The following TREML4 variants were observed in gnomAD, a reference collection of about 807,000 sequenced individuals.
The protein encoded by TREML4 is triggering receptor expressed on myeloid cells like 4.
In TREML4, 25 loss-of-function variants were observed where a neutral mutation model predicts 25.4. The ratio of observed to expected loss-of-function variants is 0.98; its 90% CI spans 0.72 to 1.37. The LOEUF (loss-of-function observed/expected upper bound fraction) is 1.37, where lower values mean the gene tolerates loss of function less well. TREML4 is among the 40% of genes most tolerant of loss of function. The pLI is 0.00. For missense variants in TREML4, 268 were observed against 236.5 expected (o/e 1.13, Z -0.87); for synonymous variants, 92 against 87.9 (o/e 1.05, Z -0.26).
At chr6:41,230,772 AAGT>A (rs1235910854) in intron 4 of TREML4, among the ~76,000 whole-genome samples, 2 of 152,148 alleles carry the variant, frequency 1.3e-5, no homozygotes, top group Admixed American at 1.3e-4. Context: ...ACCAGAGAAA[AAGT>A]ATGGCAGCTA....
chr6:41,230,021 G>A (rs1766757105), intron 3 of TREML4, 41 bp from the exon 4 acceptor site: 1 of 1,534,082 alleles, frequency 6.5e-7, no homozygotes, highest in Non-Finnish European at 9.0e-7. Context: ...TCTCTATTCT[G>A]GTGCCCTGGG....
rs12195623 is a variant in TREML4, at chr6:41,237,441, C to A, written c.*422C>A. The A allele has an allele frequency of 0.099, 15,097 of 152,448 alleles. 769 individuals are homozygous for A. Among genetic ancestry groups the A allele is most frequent in the African/African-American group, 0.12 (4,979 of 41,520 alleles). The allele number at this position is 152,448 out of a possible 1,614,324, so 9.4% of individuals were successfully genotyped here. A position where few individuals can be genotyped will look rare whatever the true frequency, so the allele number is the denominator to read the frequency against. ...TGTCGTTCTCTGAGCCCCACCTCAGCAGGTCTCCAGGATCCCTCACATTTC... is the reference window on the plus strand; with the variant it reads ...TGTCGTTCTCTGAGCCCCACCTCAGAAGGTCTCCAGGATCCCTCACATTTC... On this transcript the variant is annotated 3_prime_UTR_variant, in exon 6 of 6. Transcript: ENST00000341495.
In TREML4 at chr6:41,229,057, C is replaced by G. The variant is rs1766736090; in HGVS notation, c.394+13C>G. The G allele has an allele frequency of 2.5e-6, 4 of 1,603,346 alleles. No individual in the cohort carries two copies. Among genetic ancestry groups the G allele is most frequent in the Non-Finnish European group, 3.4e-6 (4 of 1,173,362 alleles). On this transcript the variant is annotated intron_variant, in intron 2 of 5. Coordinates refer to ENST00000341495, the MANE Select transcript of TREML4 (RefSeq NM_198153.3). ...GTGGTGTCTCCAGGTGAGCTCTTTTCTTGAGGAAATACCTCTGTGCCACCC... is the reference window on the plus strand; with the variant it reads ...GTGGTGTCTCCAGGTGAGCTCTTTTGTTGAGGAAATACCTCTGTGCCACCC...
At chr6:41,229,320 C>A (rs1766741159) in intron 2 of TREML4, among the ~76,000 whole-genome samples, 1 of 152,112 alleles carries the variant, frequency 6.6e-6, no homozygotes, top group African/African-American at 2.4e-5. Context: ...TACACAGGCA[C>A]ACCCACAACT....
In TREML4 at chr6:41,238,075, A is replaced by G. The variant is rs1267044119; in HGVS notation, c.*1056A>G. 1 of 152,230 alleles carries G rather than the reference A, an allele frequency of 6.6e-6. No individual in the cohort carries two copies. Among genetic ancestry groups the G allele is most frequent in the Admixed American group, 6.5e-5 (1 of 15,282 alleles). The allele number at this position is 152,230 out of a possible 1,614,324, so 9.4% of individuals were successfully genotyped here. A position where few individuals can be genotyped will look rare whatever the true frequency, so the allele number is the denominator to read the frequency against. ...CATAGCAGCTGAATGCCAGCCCTGT[A>G]AAAGACCACCATAAAGAGAGCTCCA... is the stretch of plus-strand genomic sequence containing the variant. On this transcript the variant is annotated 3_prime_UTR_variant, in exon 6 of 6. Coordinates refer to ENST00000341495, the MANE Select transcript of TREML4 (RefSeq NM_198153.3).
At chr6:41,230,239 C>T in intron 4 of TREML4, 117 bp downstream of exon 4, 1 of 857,952 alleles carries the variant, frequency 1.2e-6, no homozygotes, top group South Asian at 1.4e-5. Flanking sequence ...TGGGTTGGGG[C>T]ATAGGTTACA....
At chr6:41,235,715 A>C (rs1178241630) in intron 4 of TREML4, among the ~76,000 whole-genome samples, 3 of 152,232 alleles carry the variant, frequency 2.0e-5, no homozygotes, top group Non-Finnish European at 2.9e-5. Context: ...TAAATATGTC[A>C]ATTTCTCCCA....
At position 41,229,000 on chromosome 6, in the gene TREML4, ACAT is replaced by A. The variant is rs1218700366; in HGVS notation, c.356_358del (p.Ile119del). ...TGTGGAATCTACAACGCTTCCGAAA[ACAT>A]CATCACTGTTCTTAGAAATATCAGC... On this transcript the variant is annotated inframe_deletion, in exon 2 of 6. Coordinates refer to ENST00000341495, the MANE Select transcript of TREML4 (RefSeq NM_198153.3). 2 of 1,614,086 alleles carry A rather than the reference ACAT, an allele frequency of 1.2e-6. No individual in the cohort carries two copies. Among genetic ancestry groups the A allele is most frequent in the East Asian group, 4.5e-5 (2 of 44,886 alleles).
chr6:41,238,537 A>G lies in TREML4; in HGVS notation c.*1518A>G, dbSNP rs1766943767. 6.6e-6 allele frequency: 1 copy of G among 152,212 alleles called. No individual in the cohort carries two copies. Among genetic ancestry groups the G allele is most frequent in the Non-Finnish European group, 1.5e-5 (1 of 68,042 alleles). 9.4% of individuals were successfully genotyped at this position (152,212 alleles called of 1,614,324 possible). On this transcript the variant is annotated 3_prime_UTR_variant, in exon 6 of 6. Coordinates refer to ENST00000341495, the MANE Select transcript of TREML4 (RefSeq NM_198153.3). ...CCTTCACTTTTCTATATCATAAATGATGCTGTGATGAATACCCTCCTTCAC... is the reference window on the plus strand; with the variant it reads ...CCTTCACTTTTCTATATCATAAATGGTGCTGTGATGAATACCCTCCTTCAC...
intron 4 of TREML4, among the ~76,000 whole-genome samples, chr6:41,235,233 T>C (rs1766872841): frequency 6.6e-6 from 1 of 152,160 alleles, no homozygotes. Flanking sequence ...TGTACACCAA[T>C]GATTACCATA....
At chr6:41,235,327 T>G (rs1024778143) in intron 4 of TREML4, among the ~76,000 whole-genome samples, 2 of 152,116 alleles carry the variant, frequency 1.3e-5, no homozygotes, top group Non-Finnish European at 2.9e-5. Flanking sequence ...GAGATTCTGA[T>G]CAATGCTTGA....
At position 41,230,928 on chromosome 6, in the gene TREML4, G is replaced by A. The variant is rs180933832; in HGVS notation, c.506+806G>A. On this transcript the variant is annotated intron_variant, in intron 4 of 5. Coordinates refer to ENST00000341495, the MANE Select transcript of TREML4 (RefSeq NM_198153.3). ...TTCCATAGCTTGCATTACTGCCTGA[G>A]CTCTGCCTCCTGTCAAATCAGTGGC... Among the ~76,000 whole-genome samples, 191 of 152,294 alleles carry A rather than the reference G, an allele frequency of 1.3e-3. 1 individual carries two copies. Among genetic ancestry groups the A allele is most frequent in the African/African-American group, 3.7e-3 (155 of 41,546 alleles).
intron 4 of TREML4, chr6:41,232,428 T>C: frequency 2.5e-6 from 1 of 393,106 alleles, no homozygotes. Flanking sequence ...AAAAATAACA[T>C]TCTAGACTAG....
intron 4 of TREML4, among the ~76,000 whole-genome samples, chr6:41,234,171 G>C (rs1766855984): frequency 1.3e-5 from 2 of 151,994 alleles, no homozygotes; most frequent in South Asian, 4.2e-4. Context: ...ATGACATTAG[G>C]AATGCATAAG....
intron 3 of TREML4, 83 bp from the exon 4 acceptor site, chr6:41,229,979 C>T (rs1766756283): frequency 4.1e-6 from 5 of 1,215,078 alleles, no homozygotes; most frequent in East Asian, 2.3e-5. Context: ...CCCCTCTCCC[C>T]TTCCTCTCAC....
chr6:41,228,440 G>A lies in TREML4; in HGVS notation c.13G>A (p.Gly5Arg). Residue 5 changes from glycine (G) to arginine (R), a missense_variant, in exon 1 of 6, where the codon GGG (glycine) becomes AGG (arginine). Gly to Arg is a moderately radical substitution (Grantham distance 125, BLOSUM62 -2). Transcript: ENST00000341495. ...GATCTGGGCTGGAATGGCCTGGGGT[G>A]GGGTCCACACCTGCTGCTTCCACCT... MAWG[G>R]VHTCCFHLCC... The A allele has an allele frequency of 6.2e-7, 1 of 1,611,944 alleles. No homozygotes were observed. The highest frequency in any genetic ancestry group is 1.1e-5 in the South Asian group (1 of 90,606).
Position 41,237,339 on chromosome 6 carries a change from TG to T in TREML4, c.*324del. The T allele has an allele frequency of 6.2e-6, 1 of 161,838 alleles. No individual in the cohort carries two copies. Among genetic ancestry groups the T allele is most frequent in the Admixed American group, 6.4e-5 (1 of 15,614 alleles). The allele number at this position is 161,838 out of a possible 1,614,324, so 10.0% of individuals were successfully genotyped here. ...CCTGACTTTCGCCATTGGGAAGACC[TG>T]GGGTGGGGGTTTCTGCATCCGGGTC... On this transcript the variant is annotated 3_prime_UTR_variant, in exon 6 of 6. Transcript: ENST00000341495.
Position 41,230,551 on chromosome 6 carries a change from C to T in TREML4, c.506+429C>T, listed in dbSNP as rs570455090. ...GCAGTCATGGGTTTTGAGGCCATGA[C>T]GGCCTCCCCTTCACTGGAGGAATAG... is the stretch of plus-strand genomic sequence containing the variant. On this transcript the variant is annotated intron_variant, in intron 4 of 5. Transcript: ENST00000341495. Among the ~76,000 whole-genome samples the T allele has an allele frequency of 7.9e-5, 12 of 152,214 alleles. No individual in the cohort carries two copies. In the South Asian group the frequency reaches 1.0e-3, roughly 13 times the overall value.
At position 41,231,971 on chromosome 6, in the gene TREML4, C is replaced by T. The variant is rs573019697; in HGVS notation, c.506+1849C>T. On this transcript the variant is annotated intron_variant, in intron 4 of 5. Coordinates refer to ENST00000341495, the MANE Select transcript of TREML4 (RefSeq NM_198153.3). ...AGCCAACACACACACAAAAATACCT[C>T]TAGACCCATTATGTAAAAGGGAAGA... Among the ~76,000 whole-genome samples, 20 of 152,258 alleles carry T rather than the reference C, an allele frequency of 1.3e-4. 1 individual carries two copies. The South Asian group carries it at 4.1e-3, about 32-fold the overall frequency.
Sources: allele counts gnomAD v4.1 joint callset (sites outside exome capture counted in the v4.1 genomes callset), GRCh38; gene constraint gnomAD v4.1.1; transcripts MANE v1.5; gene names NCBI Gene and HGNC (gene_info 2026-07-23, HGNC 2026-07-21).